IQCH: variants seen among roughly 807,000 people sequenced by gnomAD.
IQCH encodes the protein IQ domain-containing protein H.
A neutral mutation model predicts 117.0 loss-of-function variants in IQCH; 98 were observed. The ratio of observed to expected loss-of-function variants is 0.84; its 90% confidence interval spans 0.71 to 0.99. IQCH has a LOEUF of 0.99. IQCH is among the 50% of genes least tolerant of loss of function. The pLI is 0.00. For synonymous variants in IQCH, 412 were observed against 448.2 expected, an observed-to-expected ratio of 0.92 and a Z score of 1.02; for missense variants, 1,102 against 1,243.8, an observed-to-expected ratio of 0.89 and a Z score of 1.72.
At chr15:67,382,343 T>A (rs1970960468) in intron 10 of IQCH, among the ~76,000 whole-genome samples, 1 of 152,238 alleles carries the variant, frequency 6.6e-6, no homozygotes, top group Admixed American at 6.5e-5. Context: ...CTAAGGACTC[T>A]GACAATTACA....
intron 13 of IQCH, among the ~76,000 whole-genome samples, chr15:67,398,817 C>T (rs1231089819): frequency 6.6e-6 from 1 of 151,900 alleles, no homozygotes; most frequent in Non-Finnish European, 1.5e-5. Context: ...AAACCATAGC[C>T]AAGAACAGCA....
rs1325208515 is a variant in IQCH at position 67,403,181 on chromosome 15, C to CA, written c.2097+2877dup. 2.0e-5 allele frequency among the ~76,000 whole-genome samples: 3 copies of CA among 149,290 alleles called. No homozygotes were observed. The highest frequency in any genetic ancestry group is 7.4e-5 in the African/African-American group (3 of 40,358). On this transcript the variant is annotated intron_variant, in intron 14 of 20. Coordinates refer to ENST00000335894, the MANE Select transcript of IQCH (RefSeq NM_001031715.3). The surrounding 1 kb of genome is among the most constrained non-coding windows in gnomAD (Gnocchi z 4.8). ...AGGAGAATTGCTTGAACCCAGGAGA[C>CA]AGAGGTTGCAGTGAGCCGAGATCAC...
At chr15:67,379,993 C>T (rs1431731996) in intron 10 of IQCH, among the ~76,000 whole-genome samples, 2 of 152,152 alleles carry the variant, frequency 1.3e-5, no homozygotes, top group Non-Finnish European at 2.9e-5. Context: ...GCTGAAATTA[C>T]AGGCATGTGC....
intron 16 of IQCH, among the ~76,000 whole-genome samples, chr15:67,435,091 G>A (rs1044874927): frequency 2.7e-5 from 4 of 150,128 alleles, no homozygotes; most frequent in Non-Finnish European, 1.5e-5. Flanking sequence ...TCCTGACCTC[G>A]TGATCCACCC....
intron 4 of IQCH, among the ~76,000 whole-genome samples, chr15:67,328,528 T>G (rs1968515697): frequency 6.6e-6 from 1 of 152,066 alleles, no homozygotes; most frequent in African/African-American, 2.4e-5. Context: ...AGATCAGAAG[T>G]GATTTCCTAC....
In IQCH at chr15:67,424,904, T is replaced by C. The variant is rs1240623587; in HGVS notation, c.2505+3327T>C. Among the ~76,000 whole-genome samples the C allele has an allele frequency of 6.6e-6, 1 of 152,258 alleles. No individual in the cohort carries two copies. The highest frequency in any genetic ancestry group is 2.4e-5 in the African/African-American group (1 of 41,474). Reference sequence around the variant, plus strand: ...ATTTACAAATCACTGGCATATTTTCTAGCCATTTTGCAAGTGGTATCACTT... The same window carrying C: ...ATTTACAAATCACTGGCATATTTTCCAGCCATTTTGCAAGTGGTATCACTT... On this transcript the variant is annotated intron_variant, in intron 16 of 20. Transcript: ENST00000335894. The surrounding 1 kb of genome is among the most constrained non-coding windows in gnomAD (Gnocchi z 4.9).
chr15:67,409,064 A>G (rs2081376984), intron 14 of IQCH, among the ~76,000 whole-genome samples: 2 of 152,090 alleles, frequency 1.3e-5, no homozygotes, highest in South Asian at 4.1e-4. Context: ...CTTTTTTTAA[A>G]CCACCCTGGA....
intron 14 of IQCH, among the ~76,000 whole-genome samples, chr15:67,402,690 C>T (rs1971714267): frequency 6.6e-6 from 1 of 152,074 alleles, no homozygotes; most frequent in African/African-American, 2.4e-5. Flanking sequence ...GGCTAAGAGT[C>T]CAGAGAAAGA....
chr15:67,363,680 T>C (rs2140760390), intron 8 of IQCH, among the ~76,000 whole-genome samples: 1 of 152,310 alleles, frequency 6.6e-6, no homozygotes, highest in Middle Eastern at 3.4e-3. Context: ...TAGTACCCAA[T>C]AGCTCATTTT....
In IQCH at chr15:67,472,211, C is replaced by A. The variant is rs2083087142; in HGVS notation, c.2677-3485C>A. On this transcript the variant is annotated intron_variant, in intron 17 of 20. Coordinates refer to ENST00000335894, the MANE Select transcript of IQCH (RefSeq NM_001031715.3). This position sits in a 1 kb window ranked among gnomAD's most constrained non-coding sequence, Gnocchi z 4.3. ...ACTGGCGAGGAGGGGAGGACGTCCC[C>A]TAGCAGATGGGACAGAGTCCAAAGA... is the stretch of plus-strand genomic sequence containing the variant. Among the ~76,000 whole-genome samples the A allele has an allele frequency of 3.9e-5, 6 of 152,282 alleles. No individual in the cohort carries two copies. The South Asian group carries it at 1.2e-3, about 32-fold the overall frequency.
At chr15:67,477,768 A>C (rs2141053594) in intron 18 of IQCH, among the ~76,000 whole-genome samples, 1 of 152,292 alleles carries the variant, frequency 6.6e-6, no homozygotes, top group East Asian at 1.9e-4. Context: ...ACTCTGTAAA[A>C]AGGCATATTT....
chr15:67,307,836 T>C (rs1967378757), intron 4 of IQCH, among the ~76,000 whole-genome samples: 1 of 152,130 alleles, frequency 6.6e-6, no homozygotes, highest in Admixed American at 6.6e-5. Context: ...GTCACCCCCA[T>C]CTCAGATGAC....
At chr15:67,400,361 A>C in intron 14 of IQCH, 56 bp downstream of exon 14, 1 of 1,330,006 alleles carries the variant, frequency 7.5e-7, no homozygotes. Flanking sequence ...TAGGGGACGA[A>C]GCAAAAAGTT....
rs1039166318 is a variant in IQCH, at chr15:67,493,079, T to C, written c.2862-1179T>C. On this transcript the variant is annotated intron_variant, in intron 19 of 20. Transcript: ENST00000335894. This position sits in a 1 kb window ranked among gnomAD's most constrained non-coding sequence, Gnocchi z 5.1. ...TATTGGTGTACCTTCTAGATGGTTA[T>C]TGCTATTCACACATCCTTCAGGGAG... Among the ~76,000 whole-genome samples, 1 of 152,210 alleles carries C rather than the reference T, an allele frequency of 6.6e-6. No homozygotes were observed. Among genetic ancestry groups the C allele is most frequent in the Admixed American group, 6.5e-5 (1 of 15,276 alleles).
intron 3 of IQCH, among the ~76,000 whole-genome samples, chr15:67,263,429 A>G (rs1965539616): frequency 2.6e-5 from 4 of 152,194 alleles, no homozygotes; most frequent in Non-Finnish European, 5.9e-5. Context: ...AACCAAGACT[A>G]CACCATCAAC....
intron 12 of IQCH, among the ~76,000 whole-genome samples, chr15:67,389,446 A>G (rs1435422255): frequency 6.6e-6 from 1 of 151,564 alleles, no homozygotes; most frequent in African/African-American, 2.4e-5. Context: ...TCGATTTACC[A>G]TATCAGATGG....
chr15:67,484,144 G>A (rs915590562), intron 18 of IQCH, among the ~76,000 whole-genome samples: 1 of 152,146 alleles, frequency 6.6e-6, no homozygotes, highest in Non-Finnish European at 1.5e-5. Flanking sequence ...GTTTATGCCT[G>A]TAATCCCAGG....
chr15:67,310,297 T>C (rs911912478), intron 4 of IQCH, among the ~76,000 whole-genome samples: 1 of 152,168 alleles, frequency 6.6e-6, no homozygotes, highest in African/African-American at 2.4e-5. Flanking sequence ...AATTTGTGCT[T>C]TCAGGCTTAC....
intron 4 of IQCH, among the ~76,000 whole-genome samples, chr15:67,315,255 C>T (rs2140574222): frequency 6.6e-6 from 1 of 152,234 alleles, no homozygotes; most frequent in Non-Finnish European, 1.5e-5. Flanking sequence ...TAGAAGGCTG[C>T]TTAGTGAACA....
Sources: gnomAD v4.1 joint callset for allele counts (sites outside exome capture counted in the v4.1 genomes callset) on GRCh38, gnomAD v4.1.1 for gene constraint, Gnocchi (gnomAD v3.1) non-coding constraint, MANE v1.5 for transcripts, NCBI Gene and HGNC (gene_info 2026-07-23, HGNC 2026-07-21) for gene names.